Variants in MTUS1 observed in about 807,000 individuals in gnomAD.
MTUS1 encodes the protein microtubule associated scaffold protein 1, also known as microtubule-associated tumor suppressor 1.
In MTUS1, 109 loss-of-function variants were observed where a neutral mutation model predicts 120.8. That is an observed-to-expected ratio of 0.90 (90% confidence interval 0.77 to 1.06). The LOEUF (loss-of-function observed/expected upper bound fraction) is 1.06, where lower values mean the gene tolerates loss of function less well. Ranked by LOEUF, MTUS1 falls within the 50% of genes least tolerant of loss-of-function variation. The probability of loss-of-function intolerance (pLI) is 0.00; values close to 1 mark genes in which losing one functional copy is unlikely to be tolerated. For synonymous variants in MTUS1, 737 were observed against 550.5 expected (o/e 1.34, Z -4.74); for missense variants, 2,210 against 1,486.3 (o/e 1.49, Z -8.01).
At chr8:17,778,193 A>C (rs942578726) in intron 1 of MTUS1, among the ~76,000 whole-genome samples, 1 of 152,178 alleles carries the variant, frequency 6.6e-6, no homozygotes, top group Non-Finnish European at 1.5e-5. Flanking sequence ...ACCACTCCAC[A>C]ACAGAAAGGT....
intron 8 of MTUS1, among the ~76,000 whole-genome samples, chr8:17,662,860 AAAAG>A (rs1435394297): frequency 1.1e-4 from 16 of 151,990 alleles, no homozygotes; most frequent in Non-Finnish European, 2.9e-5. Flanking sequence ...AAAAAAAAGA[AAAAG>A]GAAGAAAGGA....
rs1250217308 is a variant in MTUS1, at chr8:17,684,340, G to A, written c.2826C>T (p.His942=). The part of the protein sequence containing the change: ...KFEALTVVIQ[H]LLSEREEALK... ...TGCACCTCCTTACCTCAGACAGCAG[G>A]TGCTGAATCACAACTGTCAATGCCT... Residue 942 remains histidine, a synonymous_variant, in exon 7 of 15, where the codon CAC becomes CAT. Transcript: ENST00000693296. The A allele has an allele frequency of 1.8e-5, 29 of 1,613,654 alleles. No homozygotes were observed. The highest frequency in any genetic ancestry group is 2.2e-5 in the Non-Finnish European group (26 of 1,179,660).
At chr8:17,682,248 G>C (rs1430294622) in intron 7 of MTUS1, among the ~76,000 whole-genome samples, 1 of 152,168 alleles carries the variant, frequency 6.6e-6, no homozygotes, top group African/African-American at 2.4e-5. Flanking sequence ...GGGCGCAGTG[G>C]CTCACGCCTG....
chr8:17,656,798 G>A (rs559246934), intron 8 of MTUS1, among the ~76,000 whole-genome samples: 16 of 152,032 alleles, frequency 1.1e-4, no homozygotes, highest in African/African-American at 2.4e-4. Context: ...CCGGCCGGGC[G>A]CGGTGGCTCA....
chr8:17,710,998 G>A (rs60155780), intron 6 of MTUS1, among the ~76,000 whole-genome samples: 1 of 152,168 alleles, frequency 6.6e-6, no homozygotes, highest in Non-Finnish European at 1.5e-5. Context: ...TTGAGTTGTA[G>A]GTCTTAACAA....
intron 3 of MTUS1, among the ~76,000 whole-genome samples, chr8:17,738,719 T>C (rs2047101163): frequency 6.6e-6 from 1 of 152,154 alleles, no homozygotes. Context: ...GCAGCATTAA[T>C]TTTCAATAGC....
At chr8:17,776,744 T>C (rs991328181) in intron 1 of MTUS1, among the ~76,000 whole-genome samples, 5 of 132,376 alleles carry the variant, frequency 3.8e-5, no homozygotes, top group African/African-American at 1.4e-4. Flanking sequence ...AAGCATTCAA[T>C]AAATGTTGAC....
chr8:17,731,755 T>C (rs1374418247), intron 3 of MTUS1, among the ~76,000 whole-genome samples: 1 of 152,344 alleles, frequency 6.6e-6, no homozygotes, highest in South Asian at 2.1e-4. Flanking sequence ...CAAATATAAG[T>C]GAGCGAAAGC....
At chr8:17,674,636 G>A (rs147426592) in intron 8 of MTUS1, 1 of 986,482 alleles carries the variant, frequency 1.0e-6, no homozygotes, top group Non-Finnish European at 1.2e-6. Context: ...CTGGGTGGTA[G>A]GTGTTGAGAC....
At chr8:17,659,940 G>A (rs1380390605) in intron 8 of MTUS1, among the ~76,000 whole-genome samples, 1 of 152,026 alleles carries the variant, frequency 6.6e-6, no homozygotes, top group Admixed American at 6.6e-5. Flanking sequence ...CTATGAATCT[G>A]ACCATTCAGT....
chr8:17,786,826 G>A (rs891119637), intron 1 of MTUS1, among the ~76,000 whole-genome samples: 1 of 152,168 alleles, frequency 6.6e-6, no homozygotes, highest in Non-Finnish European at 1.5e-5. Flanking sequence ...AACACTGCAG[G>A]GGTAGCGCTT....
At chr8:17,692,046 A>T (rs1468432706) in intron 6 of MTUS1, 1 of 152,202 alleles carries the variant, frequency 6.6e-6, no homozygotes, top group Non-Finnish European at 1.5e-5. Context: ...AAACGCATAG[A>T]ATAGAGAAAA....
intron 12 of MTUS1, among the ~76,000 whole-genome samples, chr8:17,651,303 A>G (rs1806941227): frequency 6.6e-6 from 1 of 152,104 alleles, no homozygotes; most frequent in Admixed American, 6.6e-5. Context: ...GACTATAGTT[A>G]ATAATAATAT....
intron 1 of MTUS1, among the ~76,000 whole-genome samples, chr8:17,769,255 C>G (rs189730321): frequency 7.6e-6 from 1 of 131,330 alleles, no homozygotes; most frequent in African/African-American, 2.8e-5. Flanking sequence ...TTTTTTGGCT[C>G]AACAACTTCC....
intron 13 of MTUS1, chr8:17,647,322 G>T (rs1035750169): frequency 7.5e-6 from 3 of 399,360 alleles, no homozygotes; most frequent in South Asian, 7.8e-5. Context: ...GTGGGTAACA[G>T]ATTTGTTCCA....
In MTUS1 at chr8:17,769,401, G is replaced by A. The variant is rs1373312830; in HGVS notation, c.-154-13440C>T. Among the ~76,000 whole-genome samples the A allele has an allele frequency of 6.8e-5, 10 of 146,866 alleles. No homozygotes were observed. In the East Asian group the frequency reaches 8.0e-4, roughly 12 times the overall value. ...CTCGCTCTGTCGCCCAGGCTGGAGT[G>A]CAGTGGCGCGATCTCGGCTCACTGC... On this transcript the variant is annotated intron_variant, in intron 1 of 14. Transcript: ENST00000693296.
intron 1 of MTUS1, among the ~76,000 whole-genome samples, chr8:17,774,726 TC>T (rs1328020220): frequency 1.3e-5 from 2 of 152,084 alleles, no homozygotes; most frequent in African/African-American, 4.8e-5. Flanking sequence ...GATCAAGCAT[TC>T]CACTCTTATA....
chr8:17,716,904 T>A (rs1822456128), intron 4 of MTUS1, among the ~76,000 whole-genome samples: 1 of 152,220 alleles, frequency 6.6e-6, no homozygotes, highest in African/African-American at 2.4e-5. Context: ...CCCAATTCTA[T>A]TCTACTATTC....
chr8:17,742,311 T>TTTTTTTTTTTTTTTTTTA (rs1554516969), intron 3 of MTUS1, among the ~76,000 whole-genome samples: 1 of 139,628 alleles, frequency 7.2e-6, no homozygotes. Flanking sequence ...TTTTTTTTTT[T>TTTTTTTTTTTTTTTTTTA]AGAGATAGTG....
Sources: gnomAD v4.1 joint callset for allele counts (sites outside exome capture counted in the v4.1 genomes callset) on GRCh38, gnomAD v4.1.1 for gene constraint, MANE v1.5 for transcripts, NCBI Gene and HGNC (gene_info 2026-07-23, HGNC 2026-07-21) for gene names.